RALYL: variants seen among roughly 807,000 people sequenced by gnomAD.
RALYL encodes RALY RNA binding protein like.
Under a neutral mutation model 35.1 loss-of-function variants are expected in RALYL, and 29 were observed. The observed-to-expected ratio is 0.83, with a 90% CI of 0.61 to 1.13. The LOEUF (loss-of-function observed/expected upper bound fraction) is 1.13. Ranked by LOEUF, RALYL falls within the 50% of genes most tolerant of loss-of-function variation. The probability of loss-of-function intolerance (pLI) is 0.00; values close to 1 mark genes in which losing one functional copy is unlikely to be tolerated. For missense variants in RALYL, 359 were observed against 360.4 expected, an observed-to-expected ratio of 1.00 and a Z score of 0.03; for synonymous variants, 120 against 127.6, an observed-to-expected ratio of 0.94 and a Z score of 0.40.
chr8:84,253,114 C>T (rs1183143684), intron 1 of RALYL, among the ~76,000 whole-genome samples: 1 of 149,108 alleles, frequency 6.7e-6, no homozygotes, highest in Non-Finnish European at 1.5e-5. Context: ...ACCTTTCAAC[C>T]AATATTACTG....
intron 2 of RALYL, among the ~76,000 whole-genome samples, chr8:84,682,965 T>C (rs1268233827): frequency 1.3e-5 from 2 of 152,346 alleles, no homozygotes; most frequent in African/African-American, 4.8e-5. Flanking sequence ...TCCTGCTTTC[T>C]CCTGTGGGCA....
chr8:84,344,895 G>A (rs984578313), intron 1 of RALYL, among the ~76,000 whole-genome samples: 1 of 151,992 alleles, frequency 6.6e-6, no homozygotes, highest in African/African-American at 2.4e-5. Context: ...TCAAGGCTGA[G>A]TAATATTACA....
chr8:84,524,085 C>T lies in RALYL; in HGVS notation c.-23-5214C>T, dbSNP rs112652810. 2.1e-3 allele frequency among the ~76,000 whole-genome samples: 324 copies of T among 152,076 alleles called. 1 individual carries two copies. Among genetic ancestry groups the T allele is most frequent in the African/African-American group, 7.2e-3 (297 of 41,502 alleles). On this transcript the variant is annotated intron_variant, in intron 1 of 8. Coordinates refer to ENST00000521268, the MANE Select transcript of RALYL (RefSeq NM_173848.7). ...TTCTAGTTCTAGATCCCTGAGGAAT[C>T]GCCACACTGACTTCCACAATGGTTG...
intron 3 of RALYL, among the ~76,000 whole-genome samples, chr8:84,790,306 C>T (rs771714681): frequency 6.6e-6 from 1 of 152,130 alleles, no homozygotes; most frequent in Non-Finnish European, 1.5e-5. Context: ...AGAGATGAAA[C>T]GCAAAATAAA....
At position 84,373,402 on chromosome 8, in the gene RALYL, A is replaced by G. The variant is rs184391385; in HGVS notation, c.-23-155897A>G. On this transcript the variant is annotated intron_variant, in intron 1 of 8. Transcript: ENST00000521268. ...CCTTGAGTTGATTTTTGTTTATGAT[A>G]TATGGAAGGAGTCCAGTTTCAATTT... 2.8e-3 allele frequency among the ~76,000 whole-genome samples: 430 copies of G among 152,096 alleles called. 3 individuals are homozygous for G. The highest frequency in any genetic ancestry group is 9.7e-3 in the African/African-American group (403 of 41,542).
intron 2 of RALYL, among the ~76,000 whole-genome samples, chr8:84,709,218 T>C (rs1386975803): frequency 6.6e-6 from 1 of 152,086 alleles, no homozygotes; most frequent in Non-Finnish European, 1.5e-5. Flanking sequence ...TCTCTAACCC[T>C]CATTGCCTCC....
intron 2 of RALYL, among the ~76,000 whole-genome samples, chr8:84,716,907 A>C (rs1843022759): frequency 6.6e-6 from 1 of 152,166 alleles, no homozygotes; most frequent in Non-Finnish European, 1.5e-5. Context: ...ACAGGAACAA[A>C]ATACAAGAAA....
chr8:84,192,823 T>TG (rs144035296), intron 1 of RALYL, among the ~76,000 whole-genome samples: 2,697 of 143,934 alleles, frequency 0.019, 82 homozygotes, highest in African/African-American at 0.065. Context: ...CCCAAACTGC[T>TG]GGAATCACCG....
At chr8:84,190,268 A>G (rs565775150) in intron 1 of RALYL, among the ~76,000 whole-genome samples, 1 of 152,332 alleles carries the variant, frequency 6.6e-6, no homozygotes, top group South Asian at 2.1e-4. Flanking sequence ...ACTGTTACAC[A>G]TATTTGTATG....
chr8:84,893,571 A>G (rs1479791839), intron 8 of RALYL, among the ~76,000 whole-genome samples: 1 of 152,190 alleles, frequency 6.6e-6, no homozygotes, highest in Admixed American at 6.5e-5. Context: ...CTAGGACATT[A>G]TAAAGCTTTC....
chr8:84,772,876 G>A (rs989014773), intron 2 of RALYL, among the ~76,000 whole-genome samples: 1 of 152,110 alleles, frequency 6.6e-6, no homozygotes, highest in African/African-American at 2.4e-5. Flanking sequence ...TATAGTGGGT[G>A]TCCTTTTAAA....
At chr8:84,544,953 C>T (rs1274570250) in intron 2 of RALYL, among the ~76,000 whole-genome samples, 11 of 151,924 alleles carry the variant, frequency 7.2e-5, no homozygotes, top group Non-Finnish European at 4.4e-5. Flanking sequence ...TTTTCTTATA[C>T]ATTAAGAAAA....
chr8:84,402,019 T>C (rs2042969905), intron 1 of RALYL, among the ~76,000 whole-genome samples: 1 of 152,178 alleles, frequency 6.6e-6, no homozygotes, highest in Admixed American at 6.5e-5. Flanking sequence ...TACTTTTTGA[T>C]GGCCCTTGTA....
chr8:84,533,914 C>G (rs1056323785), intron 2 of RALYL, among the ~76,000 whole-genome samples: 1 of 152,170 alleles, frequency 6.6e-6, no homozygotes, highest in Non-Finnish European at 1.5e-5. Context: ...TAACAATTCC[C>G]GTCAAGCATG....
chr8:84,620,208 C>G (rs1820996939), intron 2 of RALYL, among the ~76,000 whole-genome samples: 1 of 152,208 alleles, frequency 6.6e-6, no homozygotes, highest in Non-Finnish European at 1.5e-5. Flanking sequence ...TGGTTCCATT[C>G]TCCCCATCAC....
intron 1 of RALYL, among the ~76,000 whole-genome samples, chr8:84,278,383 C>A (rs1835844353): frequency 6.6e-6 from 1 of 152,220 alleles, no homozygotes; most frequent in Non-Finnish European, 1.5e-5. Context: ...CCTCCTAGGC[C>A]TCCAGGCCTG....
At chr8:84,640,608 A>G (rs1361922462) in intron 2 of RALYL, among the ~76,000 whole-genome samples, 1 of 151,918 alleles carries the variant, frequency 6.6e-6, no homozygotes, top group Non-Finnish European at 1.5e-5. Context: ...GCTTTTCTAG[A>G]CCCTCGAGAT....
chr8:84,587,419 C>A (rs1281345731), intron 2 of RALYL, among the ~76,000 whole-genome samples: 1 of 152,038 alleles, frequency 6.6e-6, no homozygotes, highest in Non-Finnish European at 1.5e-5. Flanking sequence ...AAATTGTGTT[C>A]CAGTGATATT....
At chr8:84,345,821 A>G (rs1849736400) in intron 1 of RALYL, among the ~76,000 whole-genome samples, 1 of 152,096 alleles carries the variant, frequency 6.6e-6, no homozygotes, top group African/African-American at 2.4e-5. Flanking sequence ...AGCTTCACAG[A>G]GGCTAGTGGG....
Sources: gnomAD v4.1 joint callset for allele counts (sites outside exome capture counted in the v4.1 genomes callset) on GRCh38, gnomAD v4.1.1 for gene constraint, MANE v1.5 for transcripts, NCBI Gene and HGNC (gene_info 2026-07-23, HGNC 2026-07-21) for gene names.